The following FARS2 variants were observed in gnomAD, a reference collection of about 807,000 sequenced individuals.
The protein encoded by FARS2 is phenylalanine--tRNA ligase, mitochondrial.
A neutral mutation model predicts 46.4 loss-of-function variants in FARS2; 40 were observed. The observed-to-expected ratio is 0.86, with a 90% CI of 0.67 to 1.12. FARS2 has a LOEUF of 1.12. Among genes scored for constraint, FARS2 ranks in the 50% most tolerant of loss-of-function variants. The pLI, the probability that FARS2 is intolerant of heterozygous loss-of-function variation, is 0.00. For synonymous variants in FARS2, 234 were observed against 214.9 expected (o/e 1.09, Z -0.78); for missense variants, 513 against 567.9 (o/e 0.90, Z 0.98).
chr6:5,413,066 G>A (rs1000459860), intron 3 of FARS2, among the ~76,000 whole-genome samples: 8 of 152,138 alleles, frequency 5.3e-5, no homozygotes, highest in Non-Finnish European at 1.0e-4. Flanking sequence ...AGAGGCCTAA[G>A]ACACACTTTT....
At chr6:5,391,631 A>G (rs1760525115) in intron 2 of FARS2, among the ~76,000 whole-genome samples, 1 of 152,078 alleles carries the variant, frequency 6.6e-6, no homozygotes, top group Non-Finnish European at 1.5e-5. Context: ...CCAGTCCTCA[A>G]TATCTCCTTG....
At chr6:5,334,695 A>G (rs1159737998) in intron 1 of FARS2, among the ~76,000 whole-genome samples, 1 of 152,238 alleles carries the variant, frequency 6.6e-6, no homozygotes, top group Non-Finnish European at 1.5e-5. Flanking sequence ...CAAGATGATG[A>G]TGTAAATTGT....
intron 6 of FARS2, among the ~76,000 whole-genome samples, chr6:5,718,693 G>T (rs1759683049): frequency 6.6e-6 from 1 of 152,048 alleles, no homozygotes; most frequent in African/African-American, 2.4e-5. Context: ...TGCAGCTTCA[G>T]TTCTCCTTGA....
At chr6:5,384,951 T>C (rs1430717265) in intron 2 of FARS2, among the ~76,000 whole-genome samples, 3 of 152,208 alleles carry the variant, frequency 2.0e-5, no homozygotes, top group Non-Finnish European at 4.4e-5. Flanking sequence ...AGTCTGCTTT[T>C]TGCAGTATAG....
chr6:5,329,992 C>G (rs1299206685), intron 1 of FARS2, among the ~76,000 whole-genome samples: 1 of 152,198 alleles, frequency 6.6e-6, no homozygotes, highest in Non-Finnish European at 1.5e-5. Flanking sequence ...TCAGTTCTTG[C>G]TGTGATATTT....
At chr6:5,468,483 T>G (rs1765636229) in intron 4 of FARS2, among the ~76,000 whole-genome samples, 1 of 152,202 alleles carries the variant, frequency 6.6e-6, no homozygotes, top group African/African-American at 2.4e-5. Flanking sequence ...TGCTTCATAT[T>G]TAGGGAAAGA....
At chr6:5,571,055 C>T (rs1159318173) in intron 5 of FARS2, among the ~76,000 whole-genome samples, 1 of 152,224 alleles carries the variant, frequency 6.6e-6, no homozygotes, top group Non-Finnish European at 1.5e-5. Context: ...TAACTTTTCA[C>T]TCAAACGGTT....
intron 6 of FARS2, among the ~76,000 whole-genome samples, chr6:5,715,070 A>G (rs1759412433): frequency 6.6e-6 from 1 of 151,736 alleles, no homozygotes. Flanking sequence ...AACATTTTAC[A>G]TGTGCAGGAC....
intron 6 of FARS2, among the ~76,000 whole-genome samples, chr6:5,768,220 A>G (rs1455423562): frequency 6.6e-6 from 1 of 152,202 alleles, no homozygotes; most frequent in Non-Finnish European, 1.5e-5. Context: ...ACTTGATTCT[A>G]TTGAATTCAA....
At chr6:5,488,267 T>G (rs1053436352) in intron 4 of FARS2, among the ~76,000 whole-genome samples, 1 of 152,238 alleles carries the variant, frequency 6.6e-6, no homozygotes, top group African/African-American at 2.4e-5. Context: ...TTAGTGATAA[T>G]GTTCAAAAGG....
chr6:5,415,373 G>A (rs1338666587), intron 3 of FARS2, among the ~76,000 whole-genome samples: 2 of 132,396 alleles, frequency 1.5e-5, no homozygotes, highest in African/African-American at 2.9e-5. Context: ...GGAGTGCAGT[G>A]GTGTGATCTC....
intron 1 of FARS2, among the ~76,000 whole-genome samples, chr6:5,264,861 A>G (rs553745126): frequency 4.6e-5 from 7 of 152,092 alleles, no homozygotes; most frequent in African/African-American, 1.7e-4. Context: ...TAGTGCTATC[A>G]TATCTCGTTG....
chr6:5,373,554 G>A (rs1368577424), intron 2 of FARS2, among the ~76,000 whole-genome samples: 1 of 152,114 alleles, frequency 6.6e-6, no homozygotes, highest in Non-Finnish European at 1.5e-5. Flanking sequence ...TCAAGAGTAA[G>A]TACTAGGAAA....
intron 4 of FARS2, among the ~76,000 whole-genome samples, chr6:5,532,841 C>T (rs1213537592): frequency 2.6e-5 from 4 of 151,688 alleles, no homozygotes; most frequent in African/African-American, 9.7e-5. Flanking sequence ...TTTAGTGTTC[C>T]TTGTAGCAGT....
intron 4 of FARS2, among the ~76,000 whole-genome samples, chr6:5,493,364 T>C (rs1157287240): frequency 6.6e-6 from 1 of 152,216 alleles, no homozygotes; most frequent in Non-Finnish European, 1.5e-5. Context: ...AGGGATCACA[T>C]GTCTCTTAGT....
chr6:5,654,572 G>A (rs867059997), intron 6 of FARS2, among the ~76,000 whole-genome samples: 5 of 152,040 alleles, frequency 3.3e-5, no homozygotes, highest in East Asian at 1.9e-4. Context: ...ATTAAGACTC[G>A]AAGACCTGCT....
intron 6 of FARS2, among the ~76,000 whole-genome samples, chr6:5,653,758 G>T (rs1483841106): frequency 6.6e-6 from 1 of 152,170 alleles, no homozygotes; most frequent in Non-Finnish European, 1.5e-5. Context: ...CCTGTTACCT[G>T]TCAGATGCTC....
chr6:5,296,128 C>CTT (rs1199357965), intron 1 of FARS2, among the ~76,000 whole-genome samples: 3 of 106,978 alleles, frequency 2.8e-5, no homozygotes, highest in Non-Finnish European at 3.7e-5. Flanking sequence ...ATCATTTTGG[C>CTT]CTTTTTTTTT....
At chr6:5,252,269 C>T in the FARS2 span, among the ~76,000 whole-genome samples, 1 of 152,118 alleles carries the variant, frequency 6.6e-6, no homozygotes, top group Non-Finnish European at 1.5e-5. Context: ...GTTGTGGAAG[C>T]GGCAGCCCAC....
Sources: gnomAD v4.1 joint callset for allele counts (sites outside exome capture counted in the v4.1 genomes callset) on GRCh38, gnomAD v4.1.1 for gene constraint, MANE v1.5 for transcripts, NCBI Gene and HGNC (gene_info 2026-07-23, HGNC 2026-07-21) for gene names.